WIPF1: variants seen among roughly 807,000 people sequenced by gnomAD.
The protein encoded by WIPF1 is WAS/WASL interacting protein family member 1, also known as WAS/WASL-interacting protein family member 1.
A neutral mutation model predicts 35.4 loss-of-function variants in WIPF1; 13 were observed. The observed-to-expected ratio is 0.37, with a 90% CI of 0.24 to 0.58. The LOEUF is 0.58. Among genes scored for constraint, WIPF1 ranks in the 20% least tolerant of loss-of-function variants. The pLI, the probability that WIPF1 is intolerant of heterozygous loss-of-function variation, is 0.74. For synonymous variants in WIPF1, 267 were observed against 266.3 expected (o/e 1.00, Z -0.02); for missense variants, 591 against 667.0 (o/e 0.89, Z 1.25).
At chr2:174,603,247 T>G (rs1686060417) in intron 1 of WIPF1, among the ~76,000 whole-genome samples, 1 of 152,228 alleles carries the variant, frequency 6.6e-6, no homozygotes, top group Non-Finnish European at 1.5e-5. Context: ...GAAGATGGCC[T>G]TTTTCTAGAC....
intron 1 of WIPF1, among the ~76,000 whole-genome samples, chr2:174,671,165 A>G (rs942986945): frequency 2.6e-5 from 4 of 152,370 alleles, no homozygotes; most frequent in Admixed American, 2.0e-4. Context: ...GCAGAAGAAC[A>G]TAAGTTGTGA....
intron 7 of WIPF1, chr2:174,566,357 G>C (rs1018477475): frequency 3.9e-5 from 6 of 152,176 alleles, no homozygotes; most frequent in African/African-American, 1.4e-4. Context: ...TGGAGGAAAA[G>C]CAATTTAGTT....
chr2:174,679,301 T>C (rs1688202972), intron 1 of WIPF1, among the ~76,000 whole-genome samples: 1 of 152,054 alleles, frequency 6.6e-6, no homozygotes, highest in Non-Finnish European at 1.5e-5. Flanking sequence ...AAACACCATC[T>C]CTACTAAAAA....
chr2:174,563,164 A>C (rs905322668), intron 7 of WIPF1, among the ~76,000 whole-genome samples: 1 of 152,238 alleles, frequency 6.6e-6, no homozygotes, highest in Non-Finnish European at 1.5e-5. Flanking sequence ...CTTTTCTGAC[A>C]GTAGCCATTC....
intron 1 of WIPF1, among the ~76,000 whole-genome samples, chr2:174,653,338 ACTC>A (rs2105964388): frequency 6.6e-6 from 1 of 152,122 alleles, no homozygotes; most frequent in Non-Finnish European, 1.5e-5. Context: ...CCACCCAGCT[ACTC>A]TAATTTTGGG....
intron 7 of WIPF1, among the ~76,000 whole-genome samples, chr2:174,563,098 C>T (rs1386835287): frequency 6.6e-6 from 1 of 152,138 alleles, no homozygotes; most frequent in South Asian, 2.1e-4. Context: ...TACAGTCTAC[C>T]TAGTCAATTC....
At chr2:174,635,468 G>A (rs370788317) in intron 1 of WIPF1, among the ~76,000 whole-genome samples, 12 of 150,376 alleles carry the variant, frequency 8.0e-5, no homozygotes, top group African/African-American at 2.9e-4. Flanking sequence ...CAGGGACTAA[G>A]CAACAAGCCC....
chr2:174,663,805 C>T (rs999160698), intron 1 of WIPF1, among the ~76,000 whole-genome samples: 32 of 152,160 alleles, frequency 2.1e-4, no homozygotes, highest in African/African-American at 7.2e-4. Flanking sequence ...CTTCCATATG[C>T]GGGCACAGGA....
At chr2:174,564,815 G>GCGCACACACA (rs1384559403) in intron 7 of WIPF1, among the ~76,000 whole-genome samples, 1 of 143,414 alleles carries the variant, frequency 7.0e-6, no homozygotes, top group African/African-American at 2.6e-5. Flanking sequence ...TTCTTCTGGT[G>GCGCACACACA]CACACACACA....
At chr2:174,670,265 TCTGCACCCTCCCCCATCAC>T in intron 1 of WIPF1, among the ~76,000 whole-genome samples, 2 of 152,184 alleles carry the variant, frequency 1.3e-5, no homozygotes, top group African/African-American at 4.8e-5. Context: ...ACTGCTGGCC[TCTGCACCCTCCCCCATCAC>T]AAGGAACCTC....
intron 1 of WIPF1, among the ~76,000 whole-genome samples, chr2:174,631,134 A>T (rs1448838865): frequency 2.0e-4 from 31 of 152,232 alleles, no homozygotes. Context: ...TACCAAAGGA[A>T]CTGAATCCAG....
At chr2:174,621,599 T>G (rs1184488936) in intron 1 of WIPF1, among the ~76,000 whole-genome samples, 3 of 152,092 alleles carry the variant, frequency 2.0e-5, no homozygotes, top group African/African-American at 7.2e-5. Flanking sequence ...CCCATGCATA[T>G]TTTGCAATTT....
intron 1 of WIPF1, among the ~76,000 whole-genome samples, chr2:174,652,791 TAA>T (rs78645163): frequency 8.8e-5 from 12 of 135,920 alleles, no homozygotes; most frequent in African/African-American, 3.1e-4. Context: ...AAATTCCATT[TAA>T]AAAAAAAAAA....
At chr2:174,593,672 C>G (rs957297548) in intron 1 of WIPF1, among the ~76,000 whole-genome samples, 3 of 152,178 alleles carry the variant, frequency 2.0e-5, no homozygotes, top group Non-Finnish European at 4.4e-5. Flanking sequence ...AATTGATGCT[C>G]GCAGTAAACC....
At chr2:174,642,688 C>G (rs1394812743) in intron 1 of WIPF1, among the ~76,000 whole-genome samples, 1 of 143,524 alleles carries the variant, frequency 7.0e-6, no homozygotes, top group Non-Finnish European at 1.5e-5. Flanking sequence ...CTCCCTCTGT[C>G]GCCCAGGCTG....
chr2:174,647,258 G>A (rs1687429986), intron 1 of WIPF1, among the ~76,000 whole-genome samples: 1 of 151,520 alleles, frequency 6.6e-6, no homozygotes, highest in Non-Finnish European at 1.5e-5. Context: ...CACACTTGTA[G>A]TCCTAGCTAT....
In WIPF1 at chr2:174,571,190, T is replaced by C; in HGVS notation, c.1129+486A>G. 4.5e-6 allele frequency: 1 copy of C among 223,966 alleles called. No homozygotes were observed. 13.9% of individuals were successfully genotyped at this position (223,966 alleles called of 1,614,324 possible). A position where few individuals can be genotyped will look rare whatever the true frequency, so the allele number is the denominator to read the frequency against. On this transcript the variant is annotated intron_variant, in intron 5 of 7. Transcript: ENST00000679041. This position sits in a 1 kb window ranked among gnomAD's most constrained non-coding sequence, Gnocchi z 4.6. The stretch of plus-strand genomic sequence containing the variant: ...AATGGACTTTTTAAACATTAGTCTT[T>C]AATGAATAGGGAAATGGCCTCAAAG...
chr2:174,661,683 T>G (rs528630780), intron 1 of WIPF1, among the ~76,000 whole-genome samples: 1 of 152,332 alleles, frequency 6.6e-6, no homozygotes, highest in African/African-American at 2.4e-5. Context: ...GTTTTTCCCC[T>G]GTAGAACATA....
intron 1 of WIPF1, among the ~76,000 whole-genome samples, chr2:174,586,600 C>CCT (rs1175051693): frequency 6.6e-6 from 1 of 151,936 alleles, no homozygotes; most frequent in African/African-American, 2.4e-5. Flanking sequence ...AGCCAGGAGC[C>CCT]CTCTCCCCAT....
Sources: allele counts gnomAD v4.1 joint callset (sites outside exome capture counted in the v4.1 genomes callset), GRCh38; gene constraint gnomAD v4.1.1; non-coding constraint Gnocchi (gnomAD v3.1); transcripts MANE v1.5; gene names NCBI Gene and HGNC (gene_info 2026-07-23, HGNC 2026-07-21).